The following EDRF1 variants were observed in gnomAD, a reference collection of about 807,000 sequenced individuals.
EDRF1 encodes erythroid differentiation regulatory factor 1, also known as erythroid differentiation-related factor 1.
Under a neutral mutation model 148.7 loss-of-function variants are expected in EDRF1, and 69 were observed. The ratio of observed to expected loss-of-function variants is 0.46; its 90% CI spans 0.38 to 0.57. The LOEUF is 0.57. Ranked by LOEUF, EDRF1 falls within the 20% of genes least tolerant of loss-of-function variation. The pLI is 0.00. For synonymous variants in EDRF1, 515 were observed against 532.8 expected (o/e 0.97, Z 0.46); for missense variants, 1,118 against 1,478.7 (o/e 0.76, Z 4.00).
chr10:125,763,205 G>T lies in EDRF1; in HGVS notation c.3546-96G>T. On this transcript the variant is annotated intron_variant, in intron 24 of 24. Transcript: ENST00000356792. This position sits in a 1 kb window ranked among gnomAD's most constrained non-coding sequence, Gnocchi z 4.3. ...GAATGCCTGCTGCTCTGTGAAGAGT[G>T]ACTGTTGGGCTGTCACTGTCCGGTT... 1 of 1,221,764 alleles carries T rather than the reference G, an allele frequency of 8.2e-7. No homozygotes were observed. 75.7% of individuals were successfully genotyped at this position (1,221,764 alleles called of 1,614,324 possible).
chr10:125,740,440 T>C (rs764073160), intron 15 of EDRF1, 23 bp from the exon 16 acceptor site: 5 of 1,612,280 alleles, frequency 3.1e-6, no homozygotes, highest in Non-Finnish European at 4.2e-6. Flanking sequence ...TGTGCTGTCT[T>C]TTTTTTTCTC....
intron 24 of EDRF1, chr10:125,756,970 A>G (rs1010833450): frequency 2.5e-6 from 1 of 402,374 alleles, no homozygotes; most frequent in African/African-American, 2.1e-5. Flanking sequence ...GCCCCACGAC[A>G]CCCAACTAAT....
intron 16 of EDRF1, 110 bp from the exon 17 acceptor site, chr10:125,740,891 A>T: frequency 8.2e-7 from 1 of 1,221,562 alleles, no homozygotes; most frequent in Non-Finnish European, 1.2e-6. Context: ...AACAGAATAG[A>T]TACAGTGCTA....
At position 125,759,378 on chromosome 10, in the gene EDRF1, T is replaced by C. The variant is rs374139787; in HGVS notation, c.3546-3923T>C. 9.2e-5 allele frequency among the ~76,000 whole-genome samples: 14 copies of C among 152,304 alleles called. No homozygotes were observed. The South Asian group carries it at 2.7e-3, about 29-fold the overall frequency. On this transcript the variant is annotated intron_variant, in intron 24 of 24. Coordinates refer to ENST00000356792, the MANE Select transcript of EDRF1 (RefSeq NM_001202438.2). ...CTAGTTGGCTGCCCCACCTCTCTCA[T>C]GGATTTAAGAAGAGCCATGACCTTG...
Position 125,747,517 on chromosome 10 carries a change from A to G in EDRF1, c.2815-19A>G, listed in dbSNP as rs1363556511. The G allele has an allele frequency of 1.2e-6, 2 of 1,613,870 alleles. No homozygotes were observed. Among genetic ancestry groups the G allele is most frequent in the Admixed American group, 3.3e-5 (2 of 60,002 alleles). ...TGTTTAAGCTGAGTCAGAAATGTAC[A>G]CTGTTTTCTCCTTTGCAGGCTATTG... is the stretch of plus-strand genomic sequence containing the variant. On this transcript the variant is annotated intron_variant, in intron 19 of 24. Transcript: ENST00000356792.
chr10:125,726,653 G>A (rs1848267784), intron 6 of EDRF1, among the ~76,000 whole-genome samples: 1 of 152,180 alleles, frequency 6.6e-6, no homozygotes, highest in Non-Finnish European at 1.5e-5. Context: ...ACAAATTACA[G>A]GGAGCAGATA....
In EDRF1 at chr10:125,730,198, T is replaced by A. The variant is rs2133687281; in HGVS notation, c.1017-90T>A. Reference sequence around the variant, plus strand: ...CATTTTCTATCTAGAGAGGACAGCTTAAGATACTTAAATGGTGAAATAACT... The same window carrying A: ...CATTTTCTATCTAGAGAGGACAGCTAAAGATACTTAAATGGTGAAATAACT... On this transcript the variant is annotated intron_variant, in intron 8 of 24. Coordinates refer to ENST00000356792, the MANE Select transcript of EDRF1 (RefSeq NM_001202438.2). 2.9e-6 allele frequency: 3 copies of A among 1,034,712 alleles called. No homozygotes were observed. In the East Asian group the frequency reaches 7.3e-5, roughly 25 times the overall value. The allele number at this position is 1,034,712 out of a possible 1,614,324, so 64.1% of individuals were successfully genotyped here.
rs554748438 is a variant in EDRF1, at chr10:125,725,597, A to G, written c.636-85A>G. ...TTTTACAAGATGTATGCTTAATTAC[A>G]GATTGTAGTTTTTATAAACGGGTAG... On this transcript the variant is annotated intron_variant, in intron 5 of 24. Transcript: ENST00000356792. 6.3e-6 allele frequency: 10 copies of G among 1,585,718 alleles called. No individual in the cohort carries two copies. The South Asian group carries it at 1.1e-4, about 18-fold the overall frequency.
Position 125,719,792 on chromosome 10 carries a change from G to A in EDRF1, c.-16G>A, listed in dbSNP as rs1294096499. 6 of 1,606,424 alleles carry A rather than the reference G, an allele frequency of 3.7e-6. No individual in the cohort carries two copies. The highest frequency in any genetic ancestry group is 1.7e-5 in the Admixed American group (1 of 59,330). ...CCTCCGCTCCCCCGTCGTATCGCCT[G>A]CCCTGGATCGAAGTGATGGGGGATG... On this transcript the variant is annotated 5_prime_UTR_variant, in exon 1 of 25. Coordinates refer to ENST00000356792, the MANE Select transcript of EDRF1 (RefSeq NM_001202438.2).
intron 24 of EDRF1, among the ~76,000 whole-genome samples, chr10:125,762,263 G>A (rs144054649): frequency 1.3e-5 from 2 of 152,292 alleles, no homozygotes; most frequent in African/African-American, 4.8e-5. Context: ...AGGTGAAAGA[G>A]CATAGCATTT....
At chr10:125,745,422 C>T (rs950974664) in intron 18 of EDRF1, 15 of 442,260 alleles carry the variant, frequency 3.4e-5, no homozygotes, top group Non-Finnish European at 5.9e-5. Context: ...AGGATCCCAC[C>T]CTTACAATCT....
At chr10:125,721,857 A>C (rs1848023264) in intron 2 of EDRF1, among the ~76,000 whole-genome samples, 1 of 152,210 alleles carries the variant, frequency 6.6e-6, no homozygotes, top group South Asian at 2.1e-4. Flanking sequence ...TGGGTGACCT[A>C]CACCTTGACT....
At chr10:125,730,231 G>T (rs981207207) in intron 8 of EDRF1, 57 bp from the exon 9 acceptor site, 4 of 1,321,382 alleles carry the variant, frequency 3.0e-6, no homozygotes, top group South Asian at 1.2e-5. Context: ...ACTTTCAGAT[G>T]ATTAATTAAG....
At chr10:125,758,161 A>G (rs921310113) in intron 24 of EDRF1, among the ~76,000 whole-genome samples, 1 of 152,126 alleles carries the variant, frequency 6.6e-6, no homozygotes, top group Non-Finnish European at 1.5e-5. Context: ...CTCTGTTACA[A>G]TGTTCCTTAT....
Position 125,743,136 on chromosome 10 carries a change from A to C in EDRF1, c.2450A>C (p.Asn817Thr), listed in dbSNP as rs188188981. 1.9e-6 allele frequency: 3 copies of C among 1,614,006 alleles called. No homozygotes were observed. Among genetic ancestry groups the C allele is most frequent in the East Asian group, 4.5e-5 (2 of 44,814 alleles). ...SVSCKCYEAANEILQFSDLKS... is the reference protein window; with the variant it reads ...SVSCKCYEAATEILQFSDLKS... ...AGTTGTAAATGTTATGAGGCTGCTAATGAAATCTTGCAGTTTAGTGACTTG... is the reference window on the plus strand; with the variant it reads ...AGTTGTAAATGTTATGAGGCTGCTACTGAAATCTTGCAGTTTAGTGACTTG... Residue 817 changes from asparagine to threonine, a missense_variant, in exon 18 of 25, where the codon AAT becomes ACT. Physicochemically the swap from Asn to Thr is moderately conservative, Grantham distance 65. Coordinates refer to ENST00000356792, the MANE Select transcript of EDRF1 (RefSeq NM_001202438.2).
Position 125,719,759 on chromosome 10 carries a change from C to G in EDRF1, c.-49C>G, listed in dbSNP as rs369408458. On this transcript the variant is annotated 5_prime_UTR_variant, in exon 1 of 25. Coordinates refer to ENST00000356792, the MANE Select transcript of EDRF1 (RefSeq NM_001202438.2). Reference sequence around the variant, plus strand: ...ACCCTGCTTTGGGCCTGCGTTGCTGCTGCTGCTCCTCCGCTCCCCCGTCGT... The same window carrying G: ...ACCCTGCTTTGGGCCTGCGTTGCTGGTGCTGCTCCTCCGCTCCCCCGTCGT... The G allele has an allele frequency of 1.4e-4, 216 of 1,498,934 alleles. No homozygotes were observed. The African/African-American group carries it at 2.3e-3, about 16-fold the overall frequency. 92.9% of individuals were successfully genotyped at this position (1,498,934 alleles called of 1,614,324 possible).
intron 24 of EDRF1, among the ~76,000 whole-genome samples, chr10:125,754,175 C>G (rs1012325723): frequency 2.7e-5 from 4 of 148,806 alleles, no homozygotes. Context: ...GAAATCACAC[C>G]ACTGCACTGC....
At chr10:125,720,000 A>G in intron 1 of EDRF1, 85 bp downstream of exon 1, 11 of 1,250,220 alleles carry the variant, frequency 8.8e-6, no homozygotes, top group Non-Finnish European at 1.3e-5. Context: ...GGTTCCCGGC[A>G]GATTCTGGAG....
intron 8 of EDRF1, among the ~76,000 whole-genome samples, chr10:125,730,067 T>TA (rs1424517263): frequency 3.3e-5 from 5 of 152,346 alleles, no homozygotes; most frequent in South Asian, 2.1e-4. Context: ...ACTGAAAACT[T>TA]ACCAATGTCA....
Sources: gnomAD v4.1 joint callset for allele counts (sites outside exome capture counted in the v4.1 genomes callset) on GRCh38, gnomAD v4.1.1 for gene constraint, Gnocchi (gnomAD v3.1) non-coding constraint, MANE v1.5 for transcripts, NCBI Gene and HGNC (gene_info 2026-07-23, HGNC 2026-07-21) for gene names.